Variants in ACBD3 observed in about 807,000 individuals in gnomAD.
ACBD3 encodes acyl-CoA binding domain containing 3.
ACBD3 carries 30 observed loss-of-function variants against 66.9 expected under a neutral mutation model. The ratio of observed to expected loss-of-function variants is 0.45; its 90% CI spans 0.34 to 0.61. ACBD3 has a LOEUF of 0.61. Ranked by LOEUF, ACBD3 falls within the 20% of genes least tolerant of loss-of-function variation. The pLI, the probability that ACBD3 is intolerant of heterozygous loss-of-function variation, is 0.02. For missense variants in ACBD3, 544 were observed against 664.5 expected (o/e 0.82, Z 1.99); for synonymous variants, 278 against 259.8 (o/e 1.07, Z -0.68).
intron 1 of ACBD3, among the ~76,000 whole-genome samples, chr1:226,182,482 C>T (rs1656194050): frequency 1.3e-5 from 2 of 152,006 alleles, no homozygotes; most frequent in Admixed American, 1.3e-4. Flanking sequence ...GGTGTGGTGG[C>T]ACAAGCCTGT....
intron 3 of ACBD3, among the ~76,000 whole-genome samples, chr1:226,164,116 T>TAAA (rs1165905762): frequency 1.9e-5 from 1 of 51,556 alleles, no homozygotes; most frequent in South Asian, 8.0e-4. Flanking sequence ...GACTCCATCT[T>TAAA]AAAAAAAAAA....
chr1:226,177,621 G>A (rs984553304), intron 1 of ACBD3, among the ~76,000 whole-genome samples: 2 of 152,106 alleles, frequency 1.3e-5, no homozygotes, highest in Non-Finnish European at 2.9e-5. Flanking sequence ...CATAGACTAG[G>A]GGAGTCAGAT....
In ACBD3 at chr1:226,159,065, A is replaced by C. The variant is rs888081748; in HGVS notation, c.903+119T>G. 11 of 1,149,596 alleles carry C rather than the reference A, an allele frequency of 9.6e-6. No individual in the cohort carries two copies. The African/African-American group carries it at 1.7e-4, about 18-fold the overall frequency. The allele number at this position is 1,149,596 out of a possible 1,614,324, so 71.2% of individuals were successfully genotyped here. On this transcript the variant is annotated intron_variant, in intron 5 of 7. Transcript: ENST00000366812. The stretch of plus-strand genomic sequence containing the variant: ...CTGCCTAAAAGATCACCCAAAAGTT[A>C]CTTTACACCTTAGAGGCTAACTAAT...
At chr1:226,157,555 C>A (rs2102778368) in intron 5 of ACBD3, among the ~76,000 whole-genome samples, 1 of 151,512 alleles carries the variant, frequency 6.6e-6, no homozygotes, top group African/African-American at 2.4e-5. Context: ...TTTTTTTTTC[C>A]TCGAGACAGG....
chr1:226,176,636 T>G (rs1223452777), intron 1 of ACBD3, among the ~76,000 whole-genome samples: 5 of 152,132 alleles, frequency 3.3e-5, no homozygotes, highest in Non-Finnish European at 7.4e-5. Context: ...CTGGTGGTCT[T>G]TGGCAAGAGG....
chr1:226,162,332 T>C (rs1169034162), intron 3 of ACBD3, among the ~76,000 whole-genome samples: 1 of 152,124 alleles, frequency 6.6e-6, no homozygotes, highest in Admixed American at 6.6e-5. Flanking sequence ...TTATCAGTTA[T>C]TATCTATGCA....
chr1:226,166,161 A>T lies in ACBD3; in HGVS notation c.287-161T>A, dbSNP rs73085539. 7.3e-3 allele frequency among the ~76,000 whole-genome samples: 1,119 copies of T among 152,256 alleles called. 16 individuals carry two copies. The highest frequency in any genetic ancestry group is 0.024 in the African/African-American group (1,003 of 41,530). ...TTATTTCAATTACTACTTTTAAAAA[A>T]TTTTTTTATTTTTAGACAGAGTCTC... On this transcript the variant is annotated intron_variant, in intron 1 of 7. Coordinates refer to ENST00000366812, the MANE Select transcript of ACBD3 (RefSeq NM_022735.4).
intron 6 of ACBD3, among the ~76,000 whole-genome samples, chr1:226,153,871 G>A (rs979513831): frequency 1.3e-5 from 2 of 152,170 alleles, no homozygotes; most frequent in Non-Finnish European, 2.9e-5. Flanking sequence ...ATTGGTATGT[G>A]TGACCAACAG....
At position 226,146,197 on chromosome 1, in the gene ACBD3, C is replaced by A. The variant is rs965755796; in HGVS notation, c.*413G>T. Reference sequence around the variant, plus strand: ...CAAAGCCAGCTGCACCTGATATAGACTTGTTAACTTATGGATTTCAAATTA... The same window carrying A: ...CAAAGCCAGCTGCACCTGATATAGAATTGTTAACTTATGGATTTCAAATTA... On this transcript the variant is annotated 3_prime_UTR_variant, in exon 8 of 8. Coordinates refer to ENST00000366812, the MANE Select transcript of ACBD3 (RefSeq NM_022735.4). 1 of 161,022 alleles carries A rather than the reference C, an allele frequency of 6.2e-6. No individual in the cohort carries two copies. Among genetic ancestry groups the A allele is most frequent in the African/African-American group, 2.4e-5 (1 of 41,654 alleles). 10.0% of individuals were successfully genotyped at this position (161,022 alleles called of 1,614,324 possible). A position where few individuals can be genotyped will look rare whatever the true frequency, so the allele number is the denominator to read the frequency against.
rs375184633 is a variant in ACBD3 at position 226,186,638 on chromosome 1, G to A, written c.38C>T (p.Ser13Phe). 3 of 1,513,796 alleles carry A rather than the reference G, an allele frequency of 2.0e-6. No homozygotes were observed. Among genetic ancestry groups the A allele is most frequent in the Non-Finnish European group, 2.6e-6 (3 of 1,138,448 alleles). The allele number at this position is 1,513,796 out of a possible 1,614,324, so 93.8% of individuals were successfully genotyped here. ...CGGGCTGAGCGTGAGGCCGTCGACG[G>A]ACACCTCGAGTCGCTCTGCGTTCAG... ...AVLNAERLEV[S>F]VDGLTLSPDP... The change falls in exon 1 of 8, where the codon TCC becomes TTC. Residue 13 changes from serine (S) to phenylalanine (F), a missense_variant. Ser to Phe is a radical substitution (Grantham distance 155). This residue lies in a region of ACBD3 where 137 missense variants were observed against 145.9 expected (regional missense o/e 0.94). Coordinates refer to ENST00000366812, the MANE Select transcript of ACBD3 (RefSeq NM_022735.4).
Position 226,144,771 on chromosome 1 carries a change from TAAGA to T in ACBD3, c.*1835_*1838del, listed in dbSNP as rs1659415776. 6.6e-6 allele frequency: 1 copy of T among 152,588 alleles called. No homozygotes were observed. Among genetic ancestry groups the T allele is most frequent in the Non-Finnish European group, 1.5e-5 (1 of 68,016 alleles). The allele number at this position is 152,588 out of a possible 1,614,324, so 9.5% of individuals were successfully genotyped here. A position where few individuals can be genotyped will look rare whatever the true frequency, so the allele number is the denominator to read the frequency against. On this transcript the variant is annotated 3_prime_UTR_variant, in exon 8 of 8. Coordinates refer to ENST00000366812, the MANE Select transcript of ACBD3 (RefSeq NM_022735.4). ...TGTACTAATCAACAGCCAAAGGCAA[TAAGA>T]AAGTTTAAAACCAAAAATATTCTGA...
At chr1:226,164,539 A>G (rs1212002785) in intron 3 of ACBD3, among the ~76,000 whole-genome samples, 1 of 152,172 alleles carries the variant, frequency 6.6e-6, no homozygotes, top group East Asian at 1.9e-4. Flanking sequence ...ATAAAACAAA[A>G]GGAAGGCTGC....
chr1:226,156,619 A>G (rs533272721), intron 5 of ACBD3, among the ~76,000 whole-genome samples: 1 of 152,318 alleles, frequency 6.6e-6, no homozygotes, highest in East Asian at 1.9e-4. Flanking sequence ...TGAATGTATC[A>G]TTTACAAGCC....
chr1:226,179,385 C>T (rs1285559319), intron 1 of ACBD3, among the ~76,000 whole-genome samples: 2 of 152,234 alleles, frequency 1.3e-5, no homozygotes, highest in Admixed American at 6.5e-5. Context: ...GCAGTATCCA[C>T]GGCTTGTTTG....
chr1:226,157,050 G>T (rs77855823), intron 5 of ACBD3, among the ~76,000 whole-genome samples: 4,636 of 151,778 alleles, frequency 0.031, 217 homozygotes, highest in African/African-American at 0.11. Context: ...TAAAAGCAAC[G>T]TATCAAACAC....
chr1:226,152,664 C>A lies in ACBD3; in HGVS notation c.1091-45G>T, dbSNP rs1558123715. 5.1e-6 allele frequency: 8 copies of A among 1,568,266 alleles called. 1 individual carries two copies. The South Asian group carries it at 8.4e-5, about 16-fold the overall frequency. ...AAAAGCTAAAGAAAAAGAGCCTTCA[C>A]CCTGCAGGTAGCCACATTTTCATAG... On this transcript the variant is annotated intron_variant, in intron 6 of 7. Coordinates refer to ENST00000366812, the MANE Select transcript of ACBD3 (RefSeq NM_022735.4).
intron 1 of ACBD3, among the ~76,000 whole-genome samples, chr1:226,171,271 C>T (rs924441440): frequency 6.6e-6 from 1 of 152,016 alleles, no homozygotes; most frequent in African/African-American, 2.4e-5. Flanking sequence ...CCTCAGCCTC[C>T]CAAGTAGCTG....
At chr1:226,183,372 T>G (rs980929015) in intron 1 of ACBD3, among the ~76,000 whole-genome samples, 1 of 151,972 alleles carries the variant, frequency 6.6e-6, no homozygotes, top group Non-Finnish European at 1.5e-5. Flanking sequence ...TTAGTACAGA[T>G]GAGGTTTCAC....
chr1:226,152,590 T>G lies in ACBD3; in HGVS notation c.1120A>C (p.Met374Leu). 2.5e-6 allele frequency: 4 copies of G among 1,614,140 alleles called. No individual in the cohort carries two copies. The highest frequency in any genetic ancestry group is 3.4e-6 in the Non-Finnish European group (4 of 1,180,012). Residue 374 changes from methionine to leucine, a missense_variant, in exon 7 of 8, where the codon ATG becomes CTG. Coordinates refer to ENST00000366812, the MANE Select transcript of ACBD3 (RefSeq NM_022735.4). The stretch of plus-strand genomic sequence containing the variant: ...TCTTTGATCTGAGGTCGTGTCCACA[T>G]GGATGGAGCTGCTATTACTGGAAGA... ...ESLPVIAAPSMWTRPQIKDFK... is the reference protein window; with the variant it reads ...ESLPVIAAPSLWTRPQIKDFK...
Sources: gnomAD v4.1 joint callset for allele counts (sites outside exome capture counted in the v4.1 genomes callset) on GRCh38, gnomAD v4.1.1 for gene constraint, gnomAD v4.1.1 regional missense constraint, MANE v1.5 for transcripts, NCBI Gene and HGNC (gene_info 2026-07-23, HGNC 2026-07-21) for gene names.